The following TBC1D5 variants were observed in gnomAD, a reference collection of about 807,000 sequenced individuals.
TBC1D5 encodes the protein TBC1 domain family member 5.
Under a neutral mutation model 100.3 loss-of-function variants are expected in TBC1D5, and 75 were observed. The ratio of observed to expected loss-of-function variants is 0.75; its 90% CI spans 0.62 to 0.91. The LOEUF is 0.91. Among genes scored for constraint, TBC1D5 ranks in the 40% least tolerant of loss-of-function variants. The pLI is 0.00. For missense variants in TBC1D5, 910 were observed against 942.4 expected, an observed-to-expected ratio of 0.97 and a Z score of 0.45; for synonymous variants, 323 against 325.6, an observed-to-expected ratio of 0.99 and a Z score of 0.09.
chr3:17,631,103 A>G (rs1226540470), intron 1 of TBC1D5, among the ~76,000 whole-genome samples: 1 of 152,002 alleles, frequency 6.6e-6, no homozygotes, highest in Admixed American at 6.6e-5. Flanking sequence ...GCAAATGCAA[A>G]GGAAAAGTTC....
intron 16 of TBC1D5, among the ~76,000 whole-genome samples, chr3:17,239,371 C>T (rs1179683295): frequency 6.6e-6 from 1 of 152,180 alleles, no homozygotes; most frequent in African/African-American, 2.4e-5. Context: ...TCCTTCTTTA[C>T]TGTATCATTT....
intron 15 of TBC1D5, among the ~76,000 whole-genome samples, chr3:17,273,325 C>G (rs1269928328): frequency 6.6e-6 from 1 of 152,158 alleles, no homozygotes; most frequent in Non-Finnish European, 1.5e-5. Context: ...GCTCACATCT[C>G]ATTTCCCCAA....
intron 15 of TBC1D5, among the ~76,000 whole-genome samples, chr3:17,278,029 G>A (rs1223172801): frequency 6.6e-6 from 1 of 152,162 alleles, no homozygotes; most frequent in African/African-American, 2.4e-5. Flanking sequence ...TGTACAATGA[G>A]CCCATGTTAC....
At chr3:17,287,336 T>G (rs140272997) in intron 15 of TBC1D5, among the ~76,000 whole-genome samples, 106 of 152,304 alleles carry the variant, frequency 7.0e-4, no homozygotes, top group African/African-American at 2.3e-3. Flanking sequence ...CAGGATCCAG[T>G]CCTAAGGCGT....
At chr3:17,681,848 C>A (rs1040106802) in intron 1 of TBC1D5, among the ~76,000 whole-genome samples, 1 of 151,474 alleles carries the variant, frequency 6.6e-6, no homozygotes, top group Non-Finnish European at 1.5e-5. Context: ...TATTTACGGC[C>A]GCTCCTCATC....
intron 3 of TBC1D5, among the ~76,000 whole-genome samples, chr3:17,470,976 T>C (rs887934258): frequency 2.6e-5 from 4 of 152,156 alleles, no homozygotes; most frequent in African/African-American, 9.7e-5. Flanking sequence ...GCTTATGATT[T>C]TCCCTCCCCA....
chr3:17,382,368 A>T (rs1483524838), intron 9 of TBC1D5, among the ~76,000 whole-genome samples: 1 of 152,076 alleles, frequency 6.6e-6, no homozygotes, highest in Non-Finnish European at 1.5e-5. Flanking sequence ...CGTTAAAATA[A>T]GTGTAACATT....
rs561049866 is a variant in TBC1D5, at chr3:17,362,330, T to C, written c.995+9745A>G. Among the ~76,000 whole-genome samples, 8 of 152,224 alleles carry C rather than the reference T, an allele frequency of 5.3e-5. No individual in the cohort carries two copies. In the East Asian group the frequency reaches 7.7e-4, roughly 15 times the overall value. ...TCTATGAAAGACATGAGAAATGAAA[T>C]GACAAGTTTCAGATTGGGGGACAAT... On this transcript the variant is annotated intron_variant, in intron 13 of 21. Transcript: ENST00000253692.
intron 2 of TBC1D5, among the ~76,000 whole-genome samples, chr3:17,591,259 A>AAAAAAAAAAAAAAAAAAAAAAT (rs2096768852): frequency 8.5e-6 from 1 of 117,012 alleles, no homozygotes; most frequent in Non-Finnish European, 1.8e-5. Flanking sequence ...AAAAAAAAAA[A>AAAAAAAAAAAAAAAAAAAAAAT]AAAAAAACAA....
At chr3:17,621,269 A>G (rs894031324) in intron 2 of TBC1D5, among the ~76,000 whole-genome samples, 3 of 152,206 alleles carry the variant, frequency 2.0e-5, no homozygotes, top group Non-Finnish European at 4.4e-5. Context: ...ATGTGTATAC[A>G]TAAAGCTTAT....
At chr3:17,290,878 T>C (rs1192998175) in intron 15 of TBC1D5, among the ~76,000 whole-genome samples, 2 of 152,210 alleles carry the variant, frequency 1.3e-5, no homozygotes, top group Admixed American at 1.3e-4. Context: ...TTCATAAATT[T>C]ACAGAACAGA....
intron 2 of TBC1D5, among the ~76,000 whole-genome samples, chr3:17,603,815 T>C (rs1357490426): frequency 1.3e-5 from 2 of 151,998 alleles, no homozygotes; most frequent in Non-Finnish European, 2.9e-5. Flanking sequence ...TAGCTAATTT[T>C]TGTATTTTTA....
chr3:17,500,781 A>G (rs1270938721), intron 3 of TBC1D5, among the ~76,000 whole-genome samples: 1 of 149,380 alleles, frequency 6.7e-6, no homozygotes, highest in African/African-American at 2.5e-5. Context: ...ACTTTCTACA[A>G]ATCAATCCTT....
At chr3:17,343,947 T>A (rs2089439033) in intron 13 of TBC1D5, among the ~76,000 whole-genome samples, 3 of 150,374 alleles carry the variant, frequency 2.0e-5, no homozygotes, top group African/African-American at 7.3e-5. Context: ...TTTTGAAGGG[T>A]TTTTTTTGTC....
chr3:17,165,379 C>T (rs2066492804), intron 21 of TBC1D5, among the ~76,000 whole-genome samples: 1 of 152,094 alleles, frequency 6.6e-6, no homozygotes, highest in Non-Finnish European at 1.5e-5. Context: ...ATTAGAAATG[C>T]ATTGTGGTTG....
intron 17 of TBC1D5, among the ~76,000 whole-genome samples, chr3:17,222,283 T>C (rs780556994): frequency 2.0e-5 from 3 of 152,206 alleles, no homozygotes; most frequent in Non-Finnish European, 2.9e-5. Flanking sequence ...GTTTTGGTAA[T>C]TGGCACTATC....
At chr3:17,457,699 GTTTT>G (rs553215428) in intron 3 of TBC1D5, among the ~76,000 whole-genome samples, 2 of 146,880 alleles carry the variant, frequency 1.4e-5, no homozygotes, top group East Asian at 4.0e-4. Flanking sequence ...TATTTTGAGT[GTTTT>G]TTTTTTCTTG....
chr3:17,308,421 A>G lies in TBC1D5; in HGVS notation c.996-287T>C, dbSNP rs890162398. On this transcript the variant is annotated intron_variant, in intron 13 of 21. Transcript: ENST00000253692. ...AGAAATCACAAATTCCCAAAAGGTGAAGAAAAAATGAATGTTTAGTAGTCT... is the reference window on the plus strand; with the variant it reads ...AGAAATCACAAATTCCCAAAAGGTGGAGAAAAAATGAATGTTTAGTAGTCT... Among the ~76,000 whole-genome samples the G allele has an allele frequency of 3.9e-5, 6 of 152,222 alleles. No individual in the cohort carries two copies. In the East Asian group the frequency reaches 9.6e-4, roughly 24 times the overall value.
intron 1 of TBC1D5, among the ~76,000 whole-genome samples, chr3:17,715,125 T>C (rs1338017870): frequency 6.6e-6 from 1 of 152,234 alleles, no homozygotes; most frequent in Non-Finnish European, 1.5e-5. Context: ...TTTTAAAAGA[T>C]ATATTTACTA....
Sources: allele counts gnomAD v4.1 joint callset (sites outside exome capture counted in the v4.1 genomes callset), GRCh38; gene constraint gnomAD v4.1.1; transcripts MANE v1.5; gene names NCBI Gene and HGNC (gene_info 2026-07-23, HGNC 2026-07-21).